Variants in SYT9 observed in about 807,000 individuals in gnomAD.
The protein encoded by SYT9 is synaptotagmin-9.
In SYT9, 22 loss-of-function variants were observed where a neutral mutation model predicts 48.4. That is an observed-to-expected ratio of 0.45 (90% CI 0.32 to 0.65). The LOEUF is 0.65. Among genes scored for constraint, SYT9 ranks in the 30% least tolerant of loss-of-function variants. The pLI is 0.03. For synonymous variants in SYT9, 265 were observed against 245.0 expected (o/e 1.08, Z -0.76); for missense variants, 577 against 622.0 (o/e 0.93, Z 0.77).
chr11:7,263,558 C>T (rs2099284606), intron 1 of SYT9, among the ~76,000 whole-genome samples: 1 of 151,978 alleles, frequency 6.6e-6, no homozygotes, highest in African/African-American at 2.4e-5. Context: ...TGTGCAGGAA[C>T]CAATAAGGAG....
At chr11:7,378,910 G>A (rs1850504674) in intron 3 of SYT9, among the ~76,000 whole-genome samples, 1 of 152,082 alleles carries the variant, frequency 6.6e-6, no homozygotes, top group African/African-American at 2.4e-5. Context: ...TCATCTTAAT[G>A]TGTTCTTTTC....
chr11:7,405,128 C>T (rs1846980545), intron 3 of SYT9, among the ~76,000 whole-genome samples: 1 of 151,260 alleles, frequency 6.6e-6, no homozygotes, highest in African/African-American at 2.4e-5. Flanking sequence ...ACTCTGCCAC[C>T]CTTTATATTT....
intron 1 of SYT9, among the ~76,000 whole-genome samples, chr11:7,298,045 T>A (rs926337089): frequency 2.0e-5 from 3 of 152,220 alleles, no homozygotes; most frequent in Non-Finnish European, 4.4e-5. Context: ...CCTATCAAGT[T>A]GTCCTTCGGT....
At chr11:7,430,719 T>G (rs1049877632) in intron 6 of SYT9, among the ~76,000 whole-genome samples, 1 of 152,074 alleles carries the variant, frequency 6.6e-6, no homozygotes, top group Admixed American at 6.6e-5. Context: ...CATTTAAAAG[T>G]GTGTGGCACC....
chr11:7,257,044 A>G (rs1847984971), intron 1 of SYT9, among the ~76,000 whole-genome samples: 1 of 152,150 alleles, frequency 6.6e-6, no homozygotes, highest in Admixed American at 6.6e-5. Context: ...TGCACCCTAG[A>G]CCAGTTTTAA....
intron 6 of SYT9, among the ~76,000 whole-genome samples, chr11:7,432,581 AAATATATATACATATATATATATATAT>A (rs1847618979): frequency 0.024 from 75 of 3,074 alleles, 1 homozygote; most frequent in Admixed American, 0.052. Context: ...AAAAAAAAAA[AAATATATATACATATATATATATATAT>A]ATATATATAT....
chr11:7,356,866 C>T (rs961755477), intron 3 of SYT9, among the ~76,000 whole-genome samples: 1 of 152,172 alleles, frequency 6.6e-6, no homozygotes, highest in Non-Finnish European at 1.5e-5. Flanking sequence ...AGGCACTGCA[C>T]TGCTATGTTC....
At position 7,283,139 on chromosome 11, in the gene SYT9, A is replaced by ATG. The variant is rs200893222; in HGVS notation, c.146-19892_146-19891dup. Among the ~76,000 whole-genome samples the ATG allele has an allele frequency of 7.2e-3, 1,021 of 141,474 alleles. 5 individuals carry two copies. Among genetic ancestry groups the ATG allele is most frequent in the Non-Finnish European group, 0.012 (765 of 65,130 alleles). 92.8% of individuals were successfully genotyped at this position (141,474 alleles called of 152,430 possible). A position where few individuals can be genotyped will look rare whatever the true frequency, so the allele number is the denominator to read the frequency against. On this transcript the variant is annotated intron_variant, in intron 1 of 6. Transcript: ENST00000318881. ...TTTACCAACTTTAGATTATATATGT[A>ATG]TGTGTGTGTATATATATATATATAT...
intron 6 of SYT9, among the ~76,000 whole-genome samples, chr11:7,448,620 C>T (rs752566329): frequency 2.6e-5 from 4 of 152,192 alleles, no homozygotes; most frequent in African/African-American, 4.8e-5. Flanking sequence ...CCTGCATCTC[C>T]GATGTTGTGT....
At chr11:7,296,802 A>T (rs1281829391) in intron 1 of SYT9, among the ~76,000 whole-genome samples, 3 of 152,172 alleles carry the variant, frequency 2.0e-5, no homozygotes, top group African/African-American at 7.2e-5. Flanking sequence ...GTAAGATTTC[A>T]TTGTGTTCAT....
intron 6 of SYT9, among the ~76,000 whole-genome samples, chr11:7,458,947 C>T (rs1848197157): frequency 6.6e-6 from 1 of 152,206 alleles, no homozygotes; most frequent in African/African-American, 2.4e-5. Flanking sequence ...TAGATAATGA[C>T]AAGGTTGGAC....
chr11:7,295,095 C>T (rs533130998), intron 1 of SYT9, among the ~76,000 whole-genome samples: 23 of 152,314 alleles, frequency 1.5e-4, no homozygotes, highest in African/African-American at 5.3e-4. Flanking sequence ...CTCTTCCAAA[C>T]GTGGGTTCTC....
intron 3 of SYT9, among the ~76,000 whole-genome samples, chr11:7,318,322 C>CTT: frequency 6.8e-6 from 1 of 146,708 alleles, no homozygotes; most frequent in South Asian, 2.1e-4. Context: ...TCATTAATGC[C>CTT]TTTTTTTTTT....
In SYT9 at chr11:7,367,098, T is replaced by TC. The variant is rs1554913839; in HGVS notation, c.1045-48943dup. Among the ~76,000 whole-genome samples, 853 of 112,966 alleles carry TC rather than the reference T, an allele frequency of 7.6e-3. 86 individuals are homozygous for TC. Among genetic ancestry groups the TC allele is most frequent in the Admixed American group, 0.035 (330 of 9,362 alleles). The allele number at this position is 112,966 out of a possible 152,430, so 74.1% of individuals were successfully genotyped here. Reference sequence around the variant, plus strand: ...TTTTTTTTTTTTTTTTTTTTTTTTTTCGAGACGGAGCCTCGCTCTGTCACC... The same window carrying TC: ...TTTTTTTTTTTTTTTTTTTTTTTTTTCCGAGACGGAGCCTCGCTCTGTCACC... On this transcript the variant is annotated intron_variant, in intron 3 of 6. Transcript: ENST00000318881.
chr11:7,439,116 C>G (rs1385500551), intron 6 of SYT9: 1 of 152,126 alleles, frequency 6.6e-6, no homozygotes, highest in East Asian at 1.9e-4. Flanking sequence ...TGAAAAATAT[C>G]CCTAAAAACC....
At chr11:7,347,786 G>A (rs542443786) in intron 3 of SYT9, among the ~76,000 whole-genome samples, 4 of 152,326 alleles carry the variant, frequency 2.6e-5, no homozygotes, top group Admixed American at 6.5e-5. Flanking sequence ...CAAGAACTGA[G>A]TGAGGACAGA....
chr11:7,267,267 T>C (rs1488365704), intron 1 of SYT9, among the ~76,000 whole-genome samples: 1 of 151,870 alleles, frequency 6.6e-6, no homozygotes, highest in Admixed American at 6.6e-5. Context: ...ACTAAATACA[T>C]AGAGGATAGA....
chr11:7,416,942 A>G (rs1433443413), intron 4 of SYT9, among the ~76,000 whole-genome samples: 2 of 152,172 alleles, frequency 1.3e-5, no homozygotes, highest in Non-Finnish European at 2.9e-5. Context: ...ATTAAAGGGA[A>G]CTATGAATTT....
intron 1 of SYT9, among the ~76,000 whole-genome samples, chr11:7,261,405 C>G (rs971998713): frequency 6.6e-6 from 1 of 152,074 alleles, no homozygotes; most frequent in Non-Finnish European, 1.5e-5. Context: ...ATTTATTGAG[C>G]ATCTACTAAG....
Sources: gnomAD v4.1 joint callset for allele counts (sites outside exome capture counted in the v4.1 genomes callset) on GRCh38, gnomAD v4.1.1 for gene constraint, MANE v1.5 for transcripts, NCBI Gene and HGNC (gene_info 2026-07-23, HGNC 2026-07-21) for gene names.